The following NKAIN3 variants were observed in gnomAD, a reference collection of about 807,000 sequenced individuals.
NKAIN3 encodes sodium/potassium transporting ATPase interacting 3.
A neutral mutation model predicts 30.2 loss-of-function variants in NKAIN3; 25 were observed. The observed-to-expected ratio is 0.83, with a 90% CI of 0.60 to 1.16. NKAIN3 has a LOEUF of 1.16. NKAIN3 is among the 50% of genes most tolerant of loss of function. NKAIN3 has a pLI of 0.00. For synonymous variants in NKAIN3, 91 were observed against 89.6 expected, an observed-to-expected ratio of 1.02 and a Z score of -0.09; for missense variants, 225 against 254.1, an observed-to-expected ratio of 0.89 and a Z score of 0.78.
intron 1 of NKAIN3, among the ~76,000 whole-genome samples, chr8:62,275,571 A>C (rs1373667665): frequency 6.6e-6 from 1 of 152,188 alleles, no homozygotes; most frequent in East Asian, 1.9e-4. Flanking sequence ...TTCTAGTTTA[A>C]AGACCAGCTT....
chr8:62,361,249 C>T (rs1816551292), intron 1 of NKAIN3, among the ~76,000 whole-genome samples: 1 of 152,196 alleles, frequency 6.6e-6, no homozygotes, highest in African/African-American at 2.4e-5. Flanking sequence ...ATTTCAGCAA[C>T]ATTTTAGCAA....
intron 4 of NKAIN3, among the ~76,000 whole-genome samples, chr8:62,912,573 C>A (rs1299832475): frequency 6.6e-6 from 1 of 152,044 alleles, no homozygotes; most frequent in Non-Finnish European, 1.5e-5. Context: ...TTTATAAGCC[C>A]TTTTCTATTA....
chr8:62,810,077 G>T (rs1011922559), intron 4 of NKAIN3, among the ~76,000 whole-genome samples: 1 of 152,118 alleles, frequency 6.6e-6, no homozygotes, highest in Non-Finnish European at 1.5e-5. Flanking sequence ...CCTGAGGACT[G>T]AGCAAGCCGC....
At chr8:62,345,676 A>G (rs910213631) in intron 1 of NKAIN3, among the ~76,000 whole-genome samples, 1 of 148,868 alleles carries the variant, frequency 6.7e-6, no homozygotes, top group Admixed American at 6.7e-5. Context: ...TACCTGGAAT[A>G]TATATACCAG....
chr8:62,889,356 G>A (rs1388474363), intron 4 of NKAIN3, among the ~76,000 whole-genome samples: 1 of 151,906 alleles, frequency 6.6e-6, no homozygotes, highest in Non-Finnish European at 1.5e-5. Context: ...GGCAACAAGA[G>A]TGAAACTCCA....
intron 1 of NKAIN3, among the ~76,000 whole-genome samples, chr8:62,503,815 A>G (rs1347601294): frequency 1.3e-5 from 2 of 151,968 alleles, no homozygotes; most frequent in African/African-American, 4.8e-5. Flanking sequence ...TGCTCCCTAA[A>G]ATCGCTGTTA....
intron 3 of NKAIN3, among the ~76,000 whole-genome samples, chr8:62,616,194 A>G (rs1405428416): frequency 6.6e-6 from 1 of 152,034 alleles, no homozygotes; most frequent in Non-Finnish European, 1.5e-5. Flanking sequence ...TGGAGGTCCA[A>G]CAACTCCCTT....
chr8:62,871,418 A>AAAAAAAC lies in NKAIN3; in HGVS notation c.472-47035_472-47034insAAAAAAC, dbSNP rs71255368. Reference sequence around the variant, plus strand: ...ACTCTGTCTCAAAAAAAAAAAAAAAACAAAAACAAACAAACAAACAATAAA... The same window carrying AAAAAAAC: ...ACTCTGTCTCAAAAAAAAAAAAAAAAAAAAAACCAAAAACAAACAAACAAACAATAAA... On this transcript the variant is annotated intron_variant, in intron 4 of 6. Coordinates refer to ENST00000623646, the MANE Select transcript of NKAIN3 (RefSeq NM_001304533.3). Among the ~76,000 whole-genome samples, 2 of 142,440 alleles carry AAAAAAAC rather than the reference A, an allele frequency of 1.4e-5. 1 individual carries two copies. Among genetic ancestry groups the AAAAAAAC allele is most frequent in the Non-Finnish European group, 3.0e-5 (2 of 65,966 alleles). The allele number at this position is 142,440 out of a possible 152,430, so 93.4% of individuals were successfully genotyped here. A position where few individuals can be genotyped will look rare whatever the true frequency, so the allele number is the denominator to read the frequency against.
intron 1 of NKAIN3, among the ~76,000 whole-genome samples, chr8:62,271,993 C>T (rs567349289): frequency 6.6e-6 from 1 of 152,096 alleles, no homozygotes; most frequent in Non-Finnish European, 1.5e-5. Context: ...GAGGCAGTAA[C>T]GTTAACCTAC....
intron 1 of NKAIN3, among the ~76,000 whole-genome samples, chr8:62,520,844 A>G (rs192886265): frequency 7.9e-5 from 12 of 152,114 alleles, no homozygotes; most frequent in African/African-American, 2.9e-4. Context: ...AGCTAAGAAG[A>G]AATAGAAGTA....
At chr8:62,927,603 G>A (rs1287435044) in intron 5 of NKAIN3, among the ~76,000 whole-genome samples, 2 of 152,044 alleles carry the variant, frequency 1.3e-5, no homozygotes, top group Non-Finnish European at 1.5e-5. Flanking sequence ...CCAAAACTAT[G>A]TACATCTATT....
intron 3 of NKAIN3, among the ~76,000 whole-genome samples, chr8:62,620,412 T>G (rs1173526346): frequency 6.6e-6 from 1 of 151,918 alleles, no homozygotes; most frequent in Non-Finnish European, 1.5e-5. Flanking sequence ...AGATCCAATA[T>G]GCCATATGCC....
At chr8:62,864,587 A>G (rs996336444) in intron 4 of NKAIN3, among the ~76,000 whole-genome samples, 79 of 152,208 alleles carry the variant, frequency 5.2e-4, no homozygotes, top group Admixed American at 2.0e-4. Flanking sequence ...AAAATTCCCG[A>G]GTCACAGTTT....
intron 3 of NKAIN3, among the ~76,000 whole-genome samples, chr8:62,604,028 G>A (rs1351367): frequency 0.36 from 54,868 of 151,910 alleles, 11,900 homozygotes; most frequent in Non-Finnish European, 0.49. Context: ...AGTGTCTGCC[G>A]CACAGCAGGG....
At chr8:62,523,712 G>T (rs1785682164) in intron 1 of NKAIN3, among the ~76,000 whole-genome samples, 1 of 152,156 alleles carries the variant, frequency 6.6e-6, no homozygotes, top group East Asian at 1.9e-4. Flanking sequence ...GGGCATCTCT[G>T]GATTTCTTAT....
intron 3 of NKAIN3, among the ~76,000 whole-genome samples, chr8:62,645,781 T>A (rs1812441822): frequency 1.3e-5 from 2 of 152,108 alleles, no homozygotes; most frequent in Admixed American, 1.3e-4. Context: ...CTCTTATCAG[T>A]CCAATTTTGT....
In NKAIN3 at chr8:62,310,567, C is replaced by T. The variant is rs779579274; in HGVS notation, c.54+61440C>T. Reference sequence around the variant, plus strand: ...ATACATGGGACTTTTTCCTTAATTTCTTTTTAATATTATTCATTAGTTTGC... The same window carrying T: ...ATACATGGGACTTTTTCCTTAATTTTTTTTTAATATTATTCATTAGTTTGC... On this transcript the variant is annotated intron_variant, in intron 1 of 6. Transcript: ENST00000623646. Among the ~76,000 whole-genome samples, 7 of 150,380 alleles carry T rather than the reference C, an allele frequency of 4.7e-5. 1 individual carries two copies. Among genetic ancestry groups the T allele is most frequent in the Non-Finnish European group, 7.4e-5 (5 of 68,014 alleles).
intron 1 of NKAIN3, among the ~76,000 whole-genome samples, chr8:62,267,753 C>T (rs1444604389): frequency 6.6e-6 from 1 of 152,132 alleles, no homozygotes; most frequent in Non-Finnish European, 1.5e-5. Context: ...GCAGAGAATT[C>T]AGGAAAAAAT....
At chr8:62,459,332 A>G (rs1805918857) in intron 1 of NKAIN3, among the ~76,000 whole-genome samples, 1 of 152,170 alleles carries the variant, frequency 6.6e-6, no homozygotes, top group Admixed American at 6.5e-5. Context: ...CAGCCTTGTC[A>G]GGGCTGCTGA....
Sources: allele counts gnomAD v4.1 joint callset (sites outside exome capture counted in the v4.1 genomes callset), GRCh38; gene constraint gnomAD v4.1.1; transcripts MANE v1.5; gene names NCBI Gene and HGNC (gene_info 2026-07-23, HGNC 2026-07-21).